KPNA6: variants seen among roughly 807,000 people sequenced by gnomAD.
KPNA6 encodes the protein karyopherin subunit alpha 6, also known as importin subunit alpha-7.
KPNA6 carries 9 observed loss-of-function variants against 72.0 expected under a neutral mutation model. The ratio of observed to expected loss-of-function variants is 0.13; its 90% CI spans 0.08 to 0.22. The LOEUF is 0.22. Among genes scored for constraint, KPNA6 ranks in the 10% least tolerant of loss-of-function variants. The pLI is 1.00. For synonymous variants in KPNA6, 219 were observed against 242.1 expected, an observed-to-expected ratio of 0.90 and a Z score of 0.89; for missense variants, 374 against 655.7, an observed-to-expected ratio of 0.57 and a Z score of 4.69.
rs113980216 is a variant in KPNA6, at chr1:32,127,121, C to T, written c.4+18987C>T. 2.1e-4 allele frequency among the ~76,000 whole-genome samples: 32 copies of T among 152,162 alleles called. 1 individual carries two copies. The highest frequency in any genetic ancestry group is 7.0e-4 in the African/African-American group (29 of 41,508). Reference sequence around the variant, plus strand: ...CCATTTTATTTTATTTATTGCTTTCCGAAGACTTGCGCCATGAGAAATACC... The same window carrying T: ...CCATTTTATTTTATTTATTGCTTTCTGAAGACTTGCGCCATGAGAAATACC... On this transcript the variant is annotated intron_variant, in intron 1 of 13. Coordinates refer to ENST00000373625, the MANE Select transcript of KPNA6 (RefSeq NM_012316.5).
intron 1 of KPNA6, among the ~76,000 whole-genome samples, chr1:32,134,703 A>G (rs1050597888): frequency 3.9e-5 from 6 of 151,910 alleles, no homozygotes; most frequent in Non-Finnish European, 7.4e-5. Context: ...GATGAACCTC[A>G]AAATCATTAT....
In KPNA6 at chr1:32,171,094, T is replaced by A; in HGVS notation, c.*200T>A. ...CAGACAGAACCATCTGAGGCTCACC[T>A]TTGGGTTTTGTGACAAGAAGGGGAC... On this transcript the variant is annotated 3_prime_UTR_variant, in exon 14 of 14. Coordinates refer to ENST00000373625, the MANE Select transcript of KPNA6 (RefSeq NM_012316.5). 1.7e-6 allele frequency: 1 copy of A among 573,154 alleles called. No homozygotes were observed. The highest frequency in any genetic ancestry group is 2.3e-5 in the South Asian group (1 of 43,796). The allele number at this position is 573,154 out of a possible 1,614,324, so 35.5% of individuals were successfully genotyped here.
At position 32,171,230 on chromosome 1, in the gene KPNA6, A is replaced by C. The variant is rs1642431629; in HGVS notation, c.*336A>C. The C allele has an allele frequency of 1.3e-5, 3 of 225,420 alleles. No homozygotes were observed. The highest frequency in any genetic ancestry group is 9.3e-5 in the East Asian group (1 of 10,696). 14.0% of individuals were successfully genotyped at this position (225,420 alleles called of 1,614,324 possible). The stretch of plus-strand genomic sequence containing the variant: ...AGGTAATCAATTTGCACCTTTTTTT[A>C]TTTTTATTTTTTTTCTTTTTTTCTT... On this transcript the variant is annotated 3_prime_UTR_variant, in exon 14 of 14. Coordinates refer to ENST00000373625, the MANE Select transcript of KPNA6 (RefSeq NM_012316.5).
At chr1:32,120,627 C>A (rs943755115) in intron 1 of KPNA6, among the ~76,000 whole-genome samples, 1 of 149,098 alleles carries the variant, frequency 6.7e-6, no homozygotes, top group Non-Finnish European at 1.5e-5. Context: ...AGTGCAGTGG[C>A]GTGATCTCAG....
chr1:32,168,841 T>C (rs1238772795), intron 12 of KPNA6, among the ~76,000 whole-genome samples: 2 of 152,192 alleles, frequency 1.3e-5, no homozygotes, highest in African/African-American at 4.8e-5. Flanking sequence ...TGTGGTATTA[T>C]GGTATTGTTG....
intron 1 of KPNA6, among the ~76,000 whole-genome samples, chr1:32,127,499 C>G (rs1281975573): frequency 2.0e-5 from 3 of 152,170 alleles, no homozygotes; most frequent in African/African-American, 7.2e-5. Context: ...GTCAGAAGGG[C>G]TGTTGGAAAG....
At chr1:32,112,784 C>A (rs1404016124) in intron 1 of KPNA6, among the ~76,000 whole-genome samples, 2 of 152,130 alleles carry the variant, frequency 1.3e-5, no homozygotes, top group Non-Finnish European at 2.9e-5. Context: ...CATGAGCCAC[C>A]ATGCCCAGCC....
At chr1:32,167,326 T>C (rs761005176) in intron 12 of KPNA6, 30 bp downstream of exon 12, 1 of 1,613,240 alleles carries the variant, frequency 6.2e-7, no homozygotes, top group Non-Finnish European at 8.5e-7. Flanking sequence ...TTGTCTTGAA[T>C]GATAATGGAT....
intron 1 of KPNA6, among the ~76,000 whole-genome samples, chr1:32,148,335 G>A (rs1290749167): frequency 6.6e-6 from 1 of 151,574 alleles, no homozygotes; most frequent in African/African-American, 2.4e-5. Context: ...ATAGACACAG[G>A]GTTTCACCCT....
At chr1:32,117,749 A>C (rs1398338159) in intron 1 of KPNA6, among the ~76,000 whole-genome samples, 1 of 152,166 alleles carries the variant, frequency 6.6e-6, no homozygotes, top group Non-Finnish European at 1.5e-5. Flanking sequence ...GAGAAAACCA[A>C]AGGATGGAGA....
intron 2 of KPNA6, 54 bp from the exon 3 acceptor site, chr1:32,156,796 GTTC>G: frequency 7.6e-7 from 1 of 1,317,452 alleles, no homozygotes; most frequent in Non-Finnish European, 1.1e-6. Flanking sequence ...ACATTGGATT[GTTC>G]TTTGTTTTCT....
intron 10 of KPNA6, among the ~76,000 whole-genome samples, chr1:32,164,910 A>T (rs1642304913): frequency 6.6e-6 from 1 of 151,866 alleles, no homozygotes. Flanking sequence ...TTAATTTTTT[A>T]AAATTGAGAC....
At chr1:32,123,015 T>C (rs1303870256) in intron 1 of KPNA6, among the ~76,000 whole-genome samples, 1 of 150,526 alleles carries the variant, frequency 6.6e-6, no homozygotes, top group East Asian at 1.9e-4. Context: ...TTGATGAGGC[T>C]CTTATAATGT....
chr1:32,114,654 C>T (rs1351023746), intron 1 of KPNA6, among the ~76,000 whole-genome samples: 1 of 152,108 alleles, frequency 6.6e-6, no homozygotes, highest in Non-Finnish European at 1.5e-5. Context: ...GTCAGCCTGT[C>T]ATTTGAAGCT....
chr1:32,173,009 T>G lies in KPNA6; in HGVS notation c.*2115T>G, dbSNP rs2124107156. ...GAGGATGGTTTAGGTCTGGCAATTGTCCTTGAAAAATCCCACCCATGTTGT... is the reference window on the plus strand; with the variant it reads ...GAGGATGGTTTAGGTCTGGCAATTGGCCTTGAAAAATCCCACCCATGTTGT... On this transcript the variant is annotated 3_prime_UTR_variant, in exon 14 of 14. Coordinates refer to ENST00000373625, the MANE Select transcript of KPNA6 (RefSeq NM_012316.5). The G allele has an allele frequency of 5.0e-6, 2 of 398,282 alleles. No individual in the cohort carries two copies. Among genetic ancestry groups the G allele is most frequent in the East Asian group, 3.6e-5 (1 of 28,058 alleles). The allele number at this position is 398,282 out of a possible 1,614,324, so 24.7% of individuals were successfully genotyped here.
Position 32,170,676 on chromosome 1 carries a change from A to G in KPNA6, c.1424-31A>G, listed in dbSNP as rs145911095. The G allele has an allele frequency of 3.6e-4, 581 of 1,596,190 alleles. 3 individuals are homozygous for G. The African/African-American group carries it at 7.2e-3, about 20-fold the overall frequency. On this transcript the variant is annotated intron_variant, in intron 13 of 13. Coordinates refer to ENST00000373625, the MANE Select transcript of KPNA6 (RefSeq NM_012316.5). ...CACCTGCCCATAGAAAAGCACTCAC[A>G]CTTCCCTCTCCTTCCTTCTTACTAC...
intron 1 of KPNA6, among the ~76,000 whole-genome samples, chr1:32,144,397 C>T (rs1210332026): frequency 3.3e-5 from 5 of 152,090 alleles, no homozygotes; most frequent in Non-Finnish European, 7.4e-5. Context: ...ATTTTCAGAC[C>T]ACTGTTGTCC....
intron 1 of KPNA6, among the ~76,000 whole-genome samples, chr1:32,120,638 C>T (rs2124525810): frequency 6.6e-6 from 1 of 151,906 alleles, no homozygotes; most frequent in East Asian, 1.9e-4. Context: ...GTGATCTCAG[C>T]TCACTGCAAC....
At position 32,171,046 on chromosome 1, in the gene KPNA6, C is replaced by G; in HGVS notation, c.*152C>G. ...TGCTCTTGACCTGCTCCGCCCCCTTCCCTGGAGGGAGCACCCTCTGGACAG... is the reference window on the plus strand; with the variant it reads ...TGCTCTTGACCTGCTCCGCCCCCTTGCCTGGAGGGAGCACCCTCTGGACAG... On this transcript the variant is annotated 3_prime_UTR_variant, in exon 14 of 14. Transcript: ENST00000373625. The G allele has an allele frequency of 1.5e-6, 1 of 660,212 alleles. No homozygotes were observed. The highest frequency in any genetic ancestry group is 1.9e-5 in the South Asian group (1 of 53,358). 40.9% of individuals were successfully genotyped at this position (660,212 alleles called of 1,614,324 possible).
Sources: allele counts gnomAD v4.1 joint callset (sites outside exome capture counted in the v4.1 genomes callset), GRCh38; gene constraint gnomAD v4.1.1; transcripts MANE v1.5; gene names NCBI Gene and HGNC (gene_info 2026-07-23, HGNC 2026-07-21).